FANCM: variants seen among roughly 807,000 people sequenced by gnomAD.
FANCM encodes the protein FA complementation group M.
Under a neutral mutation model 199.5 loss-of-function variants are expected in FANCM, and 140 were observed. That is an observed-to-expected ratio of 0.70 (90% confidence interval 0.61 to 0.81). The LOEUF is 0.81. Ranked by LOEUF, FANCM falls within the 30% of genes least tolerant of loss-of-function variation. The probability of loss-of-function intolerance (pLI) is 0.00; values close to 1 mark genes in which losing one functional copy is unlikely to be tolerated. For synonymous variants in FANCM, 840 were observed against 836.8 expected, an observed-to-expected ratio of 1.00 and a Z score of -0.07; for missense variants, 2,410 against 2,421.4, an observed-to-expected ratio of 1.00 and a Z score of 0.10.
At chr14:45,194,327 C>A (rs1192480093) in intron 20 of FANCM, among the ~76,000 whole-genome samples, 1 of 151,508 alleles carries the variant, frequency 6.6e-6, no homozygotes, top group African/African-American at 2.4e-5. Flanking sequence ...AAAAAAAAAC[C>A]AAACAAATTC....
intron 20 of FANCM, 21 bp downstream of exon 20, chr14:45,189,383 A>G: frequency 6.5e-7 from 1 of 1,536,082 alleles, no homozygotes; most frequent in Non-Finnish European, 9.0e-7. Context: ...AAGAAAGGAA[A>G]AATATCTTTA....
chr14:45,178,944 A>G (rs921443845), intron 14 of FANCM, among the ~76,000 whole-genome samples: 6 of 152,184 alleles, frequency 3.9e-5, no homozygotes, highest in African/African-American at 1.4e-4. Context: ...CATGCCTGTA[A>G]TCCCAGCACT....
intron 20 of FANCM, among the ~76,000 whole-genome samples, chr14:45,192,785 T>C (rs914353962): frequency 6.6e-6 from 1 of 151,690 alleles, no homozygotes; most frequent in African/African-American, 2.4e-5. Flanking sequence ...GCTATGATCA[T>C]GCCACTGCAC....
At chr14:45,146,750 G>A (rs1478683361) in intron 3 of FANCM, among the ~76,000 whole-genome samples, 2 of 149,528 alleles carry the variant, frequency 1.3e-5, no homozygotes, top group East Asian at 2.0e-4. Flanking sequence ...CAAGAATGGC[G>A]TGAACCTGGG....
chr14:45,147,907 C>CCA (rs1336126075), intron 3 of FANCM, among the ~76,000 whole-genome samples: 59 of 143,000 alleles, frequency 4.1e-4, no homozygotes, highest in African/African-American at 1.3e-3. Context: ...GCCCCCCCCC[C>CCA]AAAAAAAAAG....
At chr14:45,136,754 C>A (rs1286214571) in intron 1 of FANCM, among the ~76,000 whole-genome samples, 1 of 152,184 alleles carries the variant, frequency 6.6e-6, no homozygotes, top group Admixed American at 6.5e-5. Flanking sequence ...TGTGCGTATA[C>A]CCCATGGGTA....
At chr14:45,155,906 A>G (rs1216757988) in intron 8 of FANCM, among the ~76,000 whole-genome samples, 1 of 152,238 alleles carries the variant, frequency 6.6e-6, no homozygotes, top group Non-Finnish European at 1.5e-5. Context: ...GATAATGAAT[A>G]CTAAAAAGCT....
intron 17 of FANCM, among the ~76,000 whole-genome samples, chr14:45,184,932 C>A (rs1170673806): frequency 1.3e-5 from 2 of 149,394 alleles, no homozygotes; most frequent in Non-Finnish European, 3.0e-5. Context: ...CGCCACCACA[C>A]CCTGCCAATT....
intron 20 of FANCM, 119 bp from the exon 21 acceptor site, chr14:45,196,053 T>C: frequency 1.9e-6 from 2 of 1,044,394 alleles, no homozygotes. Context: ...GTCACTTTGG[T>C]CAAATTGAAG....
At chr14:45,179,720 C>T (rs1336109577) in intron 14 of FANCM, among the ~76,000 whole-genome samples, 1 of 151,884 alleles carries the variant, frequency 6.6e-6, no homozygotes. Context: ...TGCCACCACG[C>T]CCGACTAATT....
In FANCM at chr14:45,164,367, A is replaced by G; in HGVS notation, c.1590A>G (p.Lys530=). 1.9e-6 allele frequency: 3 copies of G among 1,611,896 alleles called. No individual in the cohort carries two copies. The highest frequency in any genetic ancestry group is 2.5e-6 in the Non-Finnish European group (3 of 1,179,124). The change falls in exon 10 of 23, where the codon AAA becomes AAG. Residue 530 remains lysine (K), a synonymous_variant. Coordinates refer to ENST00000267430, the MANE Select transcript of FANCM (RefSeq NM_020937.4). ...FTQKEQLEVV[K]QFRDGGYNTL... ...AATTGTTTTTATTTTAGGTAGTGAA[A>G]CAGTTTCGTGACGGTGGTTACAACA...
At chr14:45,149,665 C>T (rs1313704841) in intron 4 of FANCM, among the ~76,000 whole-genome samples, 3 of 152,084 alleles carry the variant, frequency 2.0e-5, no homozygotes, top group Admixed American at 6.6e-5. Flanking sequence ...ACCATGCGCC[C>T]GGCCCCCAGA....
intron 20 of FANCM, among the ~76,000 whole-genome samples, chr14:45,194,302 CAA>C (rs1024606080): frequency 2.0e-5 from 2 of 98,076 alleles, no homozygotes; most frequent in Admixed American, 1.1e-4. Flanking sequence ...AACTCCGTCT[CAA>C]AAAAAAAAAA....
chr14:45,159,401 GT>G, intron 9 of FANCM, 121 bp downstream of exon 9: 1 of 668,216 alleles, frequency 1.5e-6, no homozygotes. Flanking sequence ...TACAGTAAAC[GT>G]GTAGGTAAAA....
chr14:45,143,313 C>G (rs1886112747), intron 3 of FANCM, among the ~76,000 whole-genome samples: 1 of 151,916 alleles, frequency 6.6e-6, no homozygotes, highest in Non-Finnish European at 1.5e-5. Context: ...ACTACAGGTG[C>G]CTGCCACCAC....
rs749570633 is a variant in FANCM at position 45,170,618 on chromosome 14, T to G, written c.2032T>G (p.Trp678Gly). ...GMRQSSLKKDWFLSEEEFKLW... is the reference protein window; with the variant it reads ...GMRQSSLKKDGFLSEEEFKLW... ...GAGGCAAAGTAGCCTAAAGAAAGATTGGTTCTTATCAGAAGAAGAATTTAA... is the reference window on the plus strand; with the variant it reads ...GAGGCAAAGTAGCCTAAAGAAAGATGGGTTCTTATCAGAAGAAGAATTTAA... The change falls in exon 12 of 23, where the codon TGG becomes GGG. Residue 678 changes from tryptophan to glycine, a missense_variant. Coordinates refer to ENST00000267430, the MANE Select transcript of FANCM (RefSeq NM_020937.4). 1.3e-6 allele frequency: 2 copies of G among 1,599,770 alleles called. No individual in the cohort carries two copies. Among genetic ancestry groups the G allele is most frequent in the South Asian group, 2.2e-5 (2 of 90,700 alleles).
chr14:45,181,406 A>C, intron 14 of FANCM, 24 bp from the exon 15 acceptor site: 1 of 1,282,082 alleles, frequency 7.8e-7, no homozygotes, highest in Non-Finnish European at 1.1e-6. Flanking sequence ...TTAACCATTC[A>C]TTATTTTAAA....
rs1227468338 is a variant in FANCM, at chr14:45,175,528, C to T, written c.2774C>T (p.Thr925Ile). Residue 925 changes from threonine (T) to isoleucine (I), a missense_variant, in exon 14 of 23, where the codon ACA becomes ATA. By Grantham distance (89) the Thr-to-Ile change is moderately conservative. Coordinates refer to ENST00000267430, the MANE Select transcript of FANCM (RefSeq NM_020937.4). ...ATTAAAGAACCGTGTGTGTTATTAA[C>T]AGAGTGTCAGTTTACAAATAAATCC... ...NVIKEPCVLL[T>I]ECQFTNKSTS... The T allele has an allele frequency of 5.1e-5, 82 of 1,612,830 alleles. No homozygotes were observed. Among genetic ancestry groups the T allele is most frequent in the Non-Finnish European group, 7.0e-5 (82 of 1,179,026 alleles).
chr14:45,155,330 GA>G (rs147550893), intron 7 of FANCM, 42 bp from the exon 8 acceptor site: 11 of 879,122 alleles, frequency 1.3e-5, no homozygotes, highest in East Asian at 5.2e-5. Flanking sequence ...ATTGAATATG[GA>G]AAAAAACAGA....
Sources: gnomAD v4.1 joint callset for allele counts (sites outside exome capture counted in the v4.1 genomes callset) on GRCh38, gnomAD v4.1.1 for gene constraint, MANE v1.5 for transcripts, NCBI Gene and HGNC (gene_info 2026-07-23, HGNC 2026-07-21) for gene names.